Variants in RALGPS2 observed in about 807,000 individuals in gnomAD.
The protein encoded by RALGPS2 is Ral GEF with PH domain and SH3 binding motif 2, also known as ras-specific guanine nucleotide-releasing factor RalGPS2.
A neutral mutation model predicts 86.8 loss-of-function variants in RALGPS2; 43 were observed. The ratio of observed to expected loss-of-function variants is 0.50; its 90% CI spans 0.39 to 0.64. RALGPS2 has a LOEUF of 0.64. Among genes scored for constraint, RALGPS2 ranks in the 30% least tolerant of loss-of-function variants. The probability of loss-of-function intolerance (pLI) is 0.00; values close to 1 mark genes in which losing one functional copy is unlikely to be tolerated. For synonymous variants in RALGPS2, 243 were observed against 231.3 expected (o/e 1.05, Z -0.46); for missense variants, 536 against 694.6 (o/e 0.77, Z 2.57).
intron 1 of RALGPS2, among the ~76,000 whole-genome samples, chr1:178,775,942 G>A (rs748470424): frequency 1.3e-5 from 2 of 149,900 alleles, no homozygotes; most frequent in African/African-American, 2.5e-5. Flanking sequence ...AAAAAGGATG[G>A]TTGCATCTGT....
intron 4 of RALGPS2, among the ~76,000 whole-genome samples, chr1:178,788,550 T>A (rs1194563124): frequency 6.6e-6 from 1 of 151,080 alleles, no homozygotes; most frequent in African/African-American, 2.4e-5. Flanking sequence ...AGGAGGTGAG[T>A]GAGAGAGCAA....
chr1:178,820,288 T>C (rs1048174577), intron 6 of RALGPS2, among the ~76,000 whole-genome samples: 7 of 152,210 alleles, frequency 4.6e-5, no homozygotes, highest in African/African-American at 1.4e-4. Flanking sequence ...CATTCAGTTA[T>C]ATCATTCTCA....
chr1:178,823,656 A>G (rs910743876), intron 7 of RALGPS2, among the ~76,000 whole-genome samples: 3 of 152,228 alleles, frequency 2.0e-5, no homozygotes, highest in Non-Finnish European at 4.4e-5. Flanking sequence ...TGTTGACAGT[A>G]GAATAAGCTA....
intron 1 of RALGPS2, among the ~76,000 whole-genome samples, chr1:178,757,014 ATTTG>A (rs776056995): frequency 7.9e-5 from 12 of 151,754 alleles, no homozygotes; most frequent in East Asian, 1.9e-4. Context: ...CCTCCTTGGT[ATTTG>A]TTTGTTTGTT....
intron 1 of RALGPS2, among the ~76,000 whole-genome samples, chr1:178,744,249 T>C (rs1651187578): frequency 6.6e-6 from 1 of 152,196 alleles, no homozygotes; most frequent in Non-Finnish European, 1.5e-5. Context: ...AAAAACTATA[T>C]GATCATCTCA....
intron 17 of RALGPS2, among the ~76,000 whole-genome samples, chr1:178,900,644 A>G (rs918774891): frequency 1.3e-5 from 2 of 152,030 alleles, no homozygotes; most frequent in African/African-American, 4.8e-5. Flanking sequence ...TACCCAAAAT[A>G]CTTATCAATA....
chr1:178,903,138 A>G (rs1660246879), intron 18 of RALGPS2, among the ~76,000 whole-genome samples: 1 of 152,102 alleles, frequency 6.6e-6, no homozygotes, highest in Admixed American at 6.6e-5. Flanking sequence ...GCAGTTCACA[A>G]CTGGAATACT....
At chr1:178,785,233 A>G (rs997422769) in intron 3 of RALGPS2, among the ~76,000 whole-genome samples, 1 of 152,026 alleles carries the variant, frequency 6.6e-6, no homozygotes, top group African/African-American at 2.4e-5. Flanking sequence ...AGGAGCTGTA[A>G]TCATCATAAC....
chr1:178,903,534 A>G (rs576793726), intron 18 of RALGPS2, among the ~76,000 whole-genome samples: 1 of 152,166 alleles, frequency 6.6e-6, no homozygotes, highest in Admixed American at 6.5e-5. Flanking sequence ...CCCAAAGTCC[A>G]TTGTATCATT....
At chr1:178,801,538 A>AT (rs1654477809) in intron 4 of RALGPS2, among the ~76,000 whole-genome samples, 1 of 152,136 alleles carries the variant, frequency 6.6e-6, no homozygotes, top group Admixed American at 6.6e-5. Context: ...CATTAAAAAA[A>AT]TTTTTTAATA....
In RALGPS2 at chr1:178,811,502, C is replaced by T. The variant is rs41267576; in HGVS notation, c.387+98C>T. On this transcript the variant is annotated intron_variant, in intron 6 of 19. Transcript: ENST00000367635. ...ATGCTTTATTCACTGTTTATTGATA[C>T]TGGAAAAATAAGACTCATTGATATA... 7.6e-3 allele frequency: 6,953 copies of T among 911,288 alleles called. 54 individuals carry two copies. Among genetic ancestry groups the T allele is most frequent in the Non-Finnish European group, 9.9e-3 (6,016 of 609,190 alleles). The allele number at this position is 911,288 out of a possible 1,614,324, so 56.5% of individuals were successfully genotyped here.
At chr1:178,892,737 C>T (rs1394801939) in intron 15 of RALGPS2, among the ~76,000 whole-genome samples, 1 of 152,012 alleles carries the variant, frequency 6.6e-6, no homozygotes. Context: ...GTAGACGAGT[C>T]TATTTCATAA....
rs547807723 is a variant in RALGPS2, at chr1:178,903,606, G to GTTT, written c.1630+1397_1630+1399dup. 2.1e-3 allele frequency among the ~76,000 whole-genome samples: 327 copies of GTTT among 152,218 alleles called. 3 individuals are homozygous for GTTT. The highest frequency in any genetic ancestry group is 7.5e-3 in the African/African-American group (312 of 41,542). On this transcript the variant is annotated intron_variant, in intron 18 of 19. Coordinates refer to ENST00000367635, the MANE Select transcript of RALGPS2 (RefSeq NM_152663.5). ...TATCAGTGAGAACATATGATGTTTGGTTTTCCATTCCTCAGTTACTTCACT... is the reference window on the plus strand; with the variant it reads ...TATCAGTGAGAACATATGATGTTTGGTTTTTTTCCATTCCTCAGTTACTTCACT...
At chr1:178,764,952 T>C (rs1423940012) in intron 1 of RALGPS2, among the ~76,000 whole-genome samples, 1 of 152,094 alleles carries the variant, frequency 6.6e-6, no homozygotes, top group Non-Finnish European at 1.5e-5. Flanking sequence ...TGAGATCTGG[T>C]TGTTGGACAG....
intron 8 of RALGPS2, chr1:178,850,127 C>T (rs1657076905): frequency 6.6e-6 from 1 of 152,654 alleles, no homozygotes; most frequent in Admixed American, 6.5e-5. Context: ...CTGTTGAATT[C>T]TCAGTATCGG....
intron 6 of RALGPS2, among the ~76,000 whole-genome samples, chr1:178,814,134 A>G (rs1182756920): frequency 6.6e-6 from 1 of 152,166 alleles, no homozygotes; most frequent in East Asian, 1.9e-4. Flanking sequence ...ATGTTTCTGA[A>G]TCATATGTTG....
Position 178,921,046 on chromosome 1 carries a change from C to G in RALGPS2, c.*4687C>G, listed in dbSNP as rs929027970. The G allele has an allele frequency of 4.6e-5, 7 of 151,980 alleles. No homozygotes were observed. The highest frequency in any genetic ancestry group is 4.6e-4 in the Admixed American group (7 of 15,244). 9.4% of individuals were successfully genotyped at this position (151,980 alleles called of 1,614,324 possible). On this transcript the variant is annotated 3_prime_UTR_variant, in exon 20 of 20. Transcript: ENST00000367635. Reference sequence around the variant, plus strand: ...TTGCTTCTCTCAGATTATTGGAAGACCTAGAGCTACTGGATGTTAACCTGA... The same window carrying G: ...TTGCTTCTCTCAGATTATTGGAAGAGCTAGAGCTACTGGATGTTAACCTGA...
intron 9 of RALGPS2, among the ~76,000 whole-genome samples, chr1:178,878,512 T>G (rs956846674): frequency 6.6e-6 from 1 of 152,164 alleles, no homozygotes; most frequent in Non-Finnish European, 1.5e-5. Context: ...GATGTTAAAT[T>G]AATCTTGCTT....
chr1:178,863,107 C>G (rs907724243), intron 8 of RALGPS2, among the ~76,000 whole-genome samples: 1 of 152,198 alleles, frequency 6.6e-6, no homozygotes, highest in Non-Finnish European at 1.5e-5. Flanking sequence ...AGCTGGTAGC[C>G]TATGGAGTCT....
Sources: allele counts gnomAD v4.1 joint callset (sites outside exome capture counted in the v4.1 genomes callset), GRCh38; gene constraint gnomAD v4.1.1; transcripts MANE v1.5; gene names NCBI Gene and HGNC (gene_info 2026-07-23, HGNC 2026-07-21).